The following KSR2 variants were observed in gnomAD, a reference collection of about 807,000 sequenced individuals.
The protein encoded by KSR2 is kinase suppressor of ras 2.
In KSR2, 25 loss-of-function variants were observed where a neutral mutation model predicts 107.8. The observed-to-expected ratio is 0.23, with a 90% CI of 0.17 to 0.32. The LOEUF is 0.32. Ranked by LOEUF, KSR2 falls within the 10% of genes least tolerant of loss-of-function variation. The pLI, the probability that KSR2 is intolerant of heterozygous loss-of-function variation, is 1.00. For synonymous variants in KSR2, 480 were observed against 507.0 expected (o/e 0.95, Z 0.71); for missense variants, 887 against 1,268.9 (o/e 0.70, Z 4.57).
chr12:117,859,916 A>G (rs1048893120), intron 2 of KSR2, among the ~76,000 whole-genome samples: 2 of 152,240 alleles, frequency 1.3e-5, no homozygotes, highest in Admixed American at 1.3e-4. Context: ...GTTAAACACA[A>G]TTTAAAATCT....
At chr12:117,834,229 G>A (rs1222772662) in intron 3 of KSR2, among the ~76,000 whole-genome samples, 5 of 152,026 alleles carry the variant, frequency 3.3e-5, no homozygotes, top group Admixed American at 6.5e-5. Context: ...AAGTTAAAAG[G>A]AGTTTCAGGT....
rs34658461 is a variant in KSR2, at chr12:117,577,365, GA to G, written c.1325+1753del. Among the ~76,000 whole-genome samples the G allele has an allele frequency of 6.7e-3, 965 of 144,840 alleles. 12 individuals carry two copies. Among genetic ancestry groups the G allele is most frequent in the African/African-American group, 0.025 (908 of 36,174 alleles). The stretch of plus-strand genomic sequence containing the variant: ...ACATGTTTACAGAAGGAGAGAGAGA[GA>G]GGGGGGGAGAGATTGAGGCCAGATA... On this transcript the variant is annotated intron_variant, in intron 7 of 19. Transcript: ENST00000339824.
At chr12:117,671,682 T>G (rs1884910991) in intron 4 of KSR2, among the ~76,000 whole-genome samples, 1 of 152,244 alleles carries the variant, frequency 6.6e-6, no homozygotes, top group Admixed American at 6.5e-5. Context: ...ACTAGTTGAA[T>G]GAAATGAAAC....
In KSR2 at chr12:117,570,164, G is replaced by T. The variant is rs192912035; in HGVS notation, c.1325+8955C>A. ...ACTACAGGCGCCTGCCACCGCGCCC[G>T]GCTAATTTTTTGTATTTTCAGTAGA... On this transcript the variant is annotated intron_variant, in intron 7 of 19. Transcript: ENST00000339824. Among the ~76,000 whole-genome samples the T allele has an allele frequency of 1.4e-3, 216 of 152,228 alleles. 4 individuals carry two copies. The highest frequency in any genetic ancestry group is 4.9e-3 in the African/African-American group (202 of 41,534).
chr12:117,875,087 C>T (rs975674904), intron 1 of KSR2, among the ~76,000 whole-genome samples: 4 of 152,196 alleles, frequency 2.6e-5, no homozygotes, highest in African/African-American at 9.7e-5. Context: ...ATCCGAGCAT[C>T]CGCAGCGCCT....
intron 1 of KSR2, among the ~76,000 whole-genome samples, chr12:117,900,132 A>ATAAAAACAAAC: frequency 6.6e-6 from 1 of 152,320 alleles, no homozygotes; most frequent in South Asian, 2.1e-4. Context: ...TGAGATAATA[A>ATAAAAACAAAC]ATGTGTGTTG....
intron 9 of KSR2, among the ~76,000 whole-genome samples, chr12:117,548,522 G>A (rs1344301345): frequency 6.6e-6 from 1 of 151,968 alleles, no homozygotes; most frequent in African/African-American, 2.4e-5. Context: ...CAAAATACAT[G>A]TTAATAAACT....
intron 13 of KSR2, among the ~76,000 whole-genome samples, chr12:117,526,624 AC>A (rs1226536271): frequency 6.6e-6 from 1 of 152,006 alleles, no homozygotes; most frequent in African/African-American, 2.4e-5. Context: ...AGGGGCCAGG[AC>A]TCCATGGTTT....
intron 1 of KSR2, among the ~76,000 whole-genome samples, chr12:117,914,596 G>A (rs1375185666): frequency 1.3e-5 from 2 of 152,166 alleles, no homozygotes; most frequent in African/African-American, 4.8e-5. Context: ...ATGCAGTGCT[G>A]TAATCATATC....
intron 7 of KSR2, among the ~76,000 whole-genome samples, chr12:117,565,936 C>CTT: frequency 6.6e-6 from 1 of 152,160 alleles, no homozygotes; most frequent in East Asian, 1.9e-4. Flanking sequence ...TTAACTGTTA[C>CTT]TTTTCCCCCC....
rs547395135 is a variant in KSR2, at chr12:117,647,541, C to T, written c.1171+19933G>A. 7.2e-5 allele frequency among the ~76,000 whole-genome samples: 11 copies of T among 152,214 alleles called. No individual in the cohort carries two copies. The East Asian group carries it at 9.7e-4, about 13-fold the overall frequency. On this transcript the variant is annotated intron_variant, in intron 5 of 19. Transcript: ENST00000339824. ...GTTATTTGGAGAAGGAAGAGTCCCT[C>T]CATTCAAATGAGTGACAAAGAGGTA...
intron 1 of KSR2, among the ~76,000 whole-genome samples, chr12:117,885,632 T>A (rs1346716189): frequency 6.7e-6 from 1 of 149,952 alleles, no homozygotes. Context: ...TATATGTAAT[T>A]ATATGTATAT....
intron 14 of KSR2, among the ~76,000 whole-genome samples, chr12:117,513,200 G>A (rs536353257): frequency 1.2e-4 from 18 of 152,112 alleles, no homozygotes; most frequent in African/African-American, 2.9e-4. Context: ...TTTTCCTCTT[G>A]CCAGTCATTA....
chr12:117,755,464 C>G (rs1888756308), intron 4 of KSR2, among the ~76,000 whole-genome samples: 1 of 152,130 alleles, frequency 6.6e-6, no homozygotes, highest in Admixed American at 6.5e-5. Flanking sequence ...AGTGATCTTT[C>G]ATGTCACTAT....
intron 4 of KSR2, among the ~76,000 whole-genome samples, chr12:117,684,600 G>A (rs1565960110): frequency 6.6e-6 from 1 of 152,086 alleles, no homozygotes; most frequent in African/African-American, 2.4e-5. Flanking sequence ...GTGGGGTTTA[G>A]CTGGCAGGAG....
At position 117,750,267 on chromosome 12, in the gene KSR2, A is replaced by G. The variant is rs531777441; in HGVS notation, c.986+10744T>C. ...TCTGTCTTAAAAAAAAAAAAAAAAA[A>G]AAGAAGAACTTTCTTATGCAGAGTA... On this transcript the variant is annotated intron_variant, in intron 4 of 19. Coordinates refer to ENST00000339824, the MANE Select transcript of KSR2 (RefSeq NM_173598.6). 5.1e-3 allele frequency among the ~76,000 whole-genome samples: 761 copies of G among 150,436 alleles called. 4 individuals carry two copies. The highest frequency in any genetic ancestry group is 0.015 in the African/African-American group (616 of 40,730).
At chr12:117,768,155 G>A (rs1403164859) in intron 3 of KSR2, among the ~76,000 whole-genome samples, 1 of 152,216 alleles carries the variant, frequency 6.6e-6, no homozygotes, top group African/African-American at 2.4e-5. Flanking sequence ...CGATATTGCT[G>A]TATCCTTGAG....
At position 117,524,419 on chromosome 12, in the gene KSR2, A is replaced by T. The variant is rs376971147; in HGVS notation, c.2219+433T>A. Among the ~76,000 whole-genome samples the T allele has an allele frequency of 2.3e-3, 345 of 152,302 alleles. 4 individuals are homozygous for T. The highest frequency in any genetic ancestry group is 8.0e-3 in the African/African-American group (332 of 41,564). On this transcript the variant is annotated intron_variant, in intron 14 of 19. Coordinates refer to ENST00000339824, the MANE Select transcript of KSR2 (RefSeq NM_173598.6). ...TAGCTTACAGGCCTGTAATCCCAGC[A>T]GTCTGGGAGGTCAAGGCAGGAGGAT...
At chr12:117,749,564 C>A (rs1250950837) in intron 4 of KSR2, among the ~76,000 whole-genome samples, 1 of 152,074 alleles carries the variant, frequency 6.6e-6, no homozygotes, top group Non-Finnish European at 1.5e-5. Context: ...TTACCCAACC[C>A]ACAGAACACT....
Sources: allele counts gnomAD v4.1 joint callset (sites outside exome capture counted in the v4.1 genomes callset), GRCh38; gene constraint gnomAD v4.1.1; transcripts MANE v1.5; gene names NCBI Gene and HGNC (gene_info 2026-07-23, HGNC 2026-07-21).